Variants in GMDS observed in about 807,000 individuals in gnomAD.
GMDS encodes the protein GDP-mannose 4,6-dehydratase.
A neutral mutation model predicts 49.9 loss-of-function variants in GMDS; 20 were observed. The ratio of observed to expected loss-of-function variants is 0.40; its 90% confidence interval spans 0.28 to 0.58. The LOEUF (loss-of-function observed/expected upper bound fraction) is 0.58. Among genes scored for constraint, GMDS ranks in the 20% least tolerant of loss-of-function variants. The pLI is 0.42. For synonymous variants in GMDS, 177 were observed against 178.6 expected (o/e 0.99, Z 0.07); for missense variants, 362 against 481.4 (o/e 0.75, Z 2.32).
intron 7 of GMDS, among the ~76,000 whole-genome samples, chr6:1,896,357 T>C (rs971639987): frequency 1.3e-5 from 2 of 152,142 alleles, no homozygotes; most frequent in Admixed American, 6.5e-5. Context: ...ATTTACTCCA[T>C]AACATTCTTG....
chr6:1,946,890 T>A (rs535748857), intron 6 of GMDS, among the ~76,000 whole-genome samples: 3 of 152,216 alleles, frequency 2.0e-5, no homozygotes, highest in Admixed American at 2.0e-4. Context: ...CACTCAACTA[T>A]TGCAATCCCC....
At chr6:1,944,944 AC>A (rs1322070004) in intron 6 of GMDS, among the ~76,000 whole-genome samples, 1 of 152,162 alleles carries the variant, frequency 6.6e-6, no homozygotes, top group African/African-American at 2.4e-5. Context: ...TACCCTGAAA[AC>A]AAATACATAC....
At chr6:2,203,320 A>C (rs190733362) in intron 1 of GMDS, among the ~76,000 whole-genome samples, 56 of 152,322 alleles carry the variant, frequency 3.7e-4, no homozygotes, top group Non-Finnish European at 6.8e-4. Context: ...GAAACTTATG[A>C]AAAACAATTC....
intron 2 of GMDS, among the ~76,000 whole-genome samples, chr6:2,123,708 A>G (rs544763002): frequency 3.3e-5 from 5 of 152,262 alleles, no homozygotes; most frequent in Non-Finnish European, 4.4e-5. Flanking sequence ...ACATACGTAT[A>G]CATATGTACT....
At position 1,685,828 on chromosome 6, in the gene GMDS, T is replaced by C. The variant is rs554323200; in HGVS notation, c.987+40588A>G. On this transcript the variant is annotated intron_variant, in intron 9 of 10. Coordinates refer to ENST00000380815, the MANE Select transcript of GMDS (RefSeq NM_001500.4). ...AAAAGTATGGCTGTTTCACTCAGCA[T>C]TTCTCTGCTTCACTAATTAAAAATG... is the stretch of plus-strand genomic sequence containing the variant. 7.9e-5 allele frequency among the ~76,000 whole-genome samples: 12 copies of C among 152,332 alleles called. No individual in the cohort carries two copies. The South Asian group carries it at 2.3e-3, about 29-fold the overall frequency.
intron 7 of GMDS, among the ~76,000 whole-genome samples, chr6:1,794,300 A>T (rs1769653157): frequency 7.3e-6 from 1 of 137,664 alleles, no homozygotes; most frequent in Admixed American, 7.4e-5. Context: ...TATTCTCTAA[A>T]ATAACTTCAC....
chr6:2,111,233 GT>G lies in GMDS; in HGVS notation c.345+4537del, dbSNP rs1159009246. On this transcript the variant is annotated intron_variant, in intron 4 of 10. Coordinates refer to ENST00000380815, the MANE Select transcript of GMDS (RefSeq NM_001500.4). Reference sequence around the variant, plus strand: ...CCGCACAACCACAACAAAAAAAGCAGTTTCCTAAAACATTTTCTCCATCAAA... The same window carrying G: ...CCGCACAACCACAACAAAAAAAGCAGTTCCTAAAACATTTTCTCCATCAAA... 2.0e-5 allele frequency among the ~76,000 whole-genome samples: 3 copies of G among 152,138 alleles called. No homozygotes were observed. The East Asian group carries it at 5.8e-4, about 29-fold the overall frequency.
intron 6 of GMDS, among the ~76,000 whole-genome samples, chr6:1,945,902 ATCCC>A (rs987857712): frequency 4.6e-5 from 7 of 152,234 alleles, no homozygotes; most frequent in Admixed American, 3.3e-4. Flanking sequence ...ATTCAGCAGT[ATCCC>A]TGACATGGTA....
chr6:1,628,126 G>A (rs1490282161), intron 9 of GMDS, among the ~76,000 whole-genome samples: 1 of 152,188 alleles, frequency 6.6e-6, no homozygotes, highest in Non-Finnish European at 1.5e-5. Context: ...GGCATGTTTG[G>A]CTGCAGCCAT....
chr6:1,785,999 GGAGT>G (rs1352590974), intron 7 of GMDS, among the ~76,000 whole-genome samples: 1 of 152,208 alleles, frequency 6.6e-6, no homozygotes, highest in Non-Finnish European at 1.5e-5. Context: ...GAAATATTAA[GGAGT>G]GAGATGTTAA....
rs1232578005 is a variant in GMDS at position 1,992,570 on chromosome 6, C to T, written c.346-31604G>A. ...CCTAGAAATCTGCATGGCTACCACC[C>T]CCAACTTTACTCAGCTTTTCACTCA... On this transcript the variant is annotated intron_variant, in intron 4 of 10. Coordinates refer to ENST00000380815, the MANE Select transcript of GMDS (RefSeq NM_001500.4). Among the ~76,000 whole-genome samples, 7 of 152,204 alleles carry T rather than the reference C, an allele frequency of 4.6e-5. No individual in the cohort carries two copies. In the East Asian group the frequency reaches 1.2e-3, roughly 25 times the overall value.
At chr6:1,663,499 G>A (rs779354758) in intron 9 of GMDS, among the ~76,000 whole-genome samples, 5 of 152,148 alleles carry the variant, frequency 3.3e-5, no homozygotes, top group African/African-American at 4.8e-5. Context: ...TTGCCCCTGC[G>A]GAATTTTTCC....
intron 7 of GMDS, among the ~76,000 whole-genome samples, chr6:1,928,970 A>AAAATAAATAAAT (rs36003101): frequency 0.02 from 2,961 of 148,074 alleles, 90 homozygotes; most frequent in African/African-American, 0.066. Context: ...CTCTGTCTCA[A>AAAATAAATAAAT]AAATAAATAA....
intron 9 of GMDS, among the ~76,000 whole-genome samples, chr6:1,693,534 C>T (rs534812149): frequency 5.3e-5 from 8 of 152,300 alleles, no homozygotes; most frequent in South Asian, 4.2e-4. Flanking sequence ...TACTGTCCTC[C>T]GTTGCCTGAC....
intron 1 of GMDS, among the ~76,000 whole-genome samples, chr6:2,140,752 A>T (rs1436293623): frequency 6.6e-6 from 1 of 152,204 alleles, no homozygotes; most frequent in East Asian, 1.9e-4. Flanking sequence ...AAACAATGCA[A>T]AAACGATCGA....
intron 4 of GMDS, among the ~76,000 whole-genome samples, chr6:2,019,881 T>C (rs1363131592): frequency 6.6e-6 from 1 of 152,236 alleles, no homozygotes; most frequent in African/African-American, 2.4e-5. Context: ...ATATGCTATA[T>C]TACAGTAGCC....
chr6:2,062,602 T>G (rs1771255299), intron 4 of GMDS, among the ~76,000 whole-genome samples: 1 of 152,128 alleles, frequency 6.6e-6, no homozygotes, highest in South Asian at 2.1e-4. Context: ...CTGGTAAAAT[T>G]TTAAGGCCAA....
Position 1,728,243 on chromosome 6 carries a change from T to C in GMDS, c.891-1731A>G, listed in dbSNP as rs548689636. On this transcript the variant is annotated intron_variant, in intron 8 of 10. Transcript: ENST00000380815. ...AGTCATTATTATTATTTTTTTTAAA[T>C]AACTATCTAATTCTAAAGTTAATTG... Among the ~76,000 whole-genome samples, 15 of 152,342 alleles carry C rather than the reference T, an allele frequency of 9.8e-5. No individual in the cohort carries two copies. In the East Asian group the frequency reaches 2.9e-3, roughly 29 times the overall value.
At chr6:1,908,147 G>T (rs934077171) in intron 7 of GMDS, among the ~76,000 whole-genome samples, 1 of 152,192 alleles carries the variant, frequency 6.6e-6, no homozygotes, top group Non-Finnish European at 1.5e-5. Context: ...AATGGGTGGG[G>T]AACATCGACA....
Sources: gnomAD v4.1 joint callset for allele counts (sites outside exome capture counted in the v4.1 genomes callset) on GRCh38, gnomAD v4.1.1 for gene constraint, MANE v1.5 for transcripts, NCBI Gene and HGNC (gene_info 2026-07-23, HGNC 2026-07-21) for gene names.